The following TRPC3 variants were observed in gnomAD, a reference collection of about 807,000 sequenced individuals.
TRPC3 encodes the protein short transient receptor potential channel 3.
TRPC3 carries 54 observed loss-of-function variants against 90.9 expected under a neutral mutation model. The ratio of observed to expected loss-of-function variants is 0.59; its 90% CI spans 0.48 to 0.75. The LOEUF (loss-of-function observed/expected upper bound fraction) is 0.75. Ranked by LOEUF, TRPC3 falls within the 30% of genes least tolerant of loss-of-function variation. The probability of loss-of-function intolerance (pLI) is 0.00; values close to 1 mark genes in which losing one functional copy is unlikely to be tolerated. For missense variants in TRPC3, 918 were observed against 1,194.5 expected (o/e 0.77, Z 3.41); for synonymous variants, 424 against 450.9 (o/e 0.94, Z 0.75).
intron 7 of TRPC3, among the ~76,000 whole-genome samples, chr4:121,906,436 T>A (rs1728884385): frequency 6.6e-6 from 1 of 152,106 alleles, no homozygotes; most frequent in Admixed American, 6.6e-5. Flanking sequence ...TCAAACAGGT[T>A]TTTTTCTTCA....
chr4:121,875,169 G>C lies in TRPC3; in HGVS notation c.*4567C>G, dbSNP rs184811206. On this transcript the variant is annotated 3_prime_UTR_variant, in exon 12 of 12. Coordinates refer to ENST00000379645, the MANE Select transcript of TRPC3 (RefSeq NM_001130698.2). ...ACCAAAGACAGACAATGCTGGCAGT[G>C]CTTACTTTCCATTTAGCAAGTGATG... Among the ~76,000 whole-genome samples, 1 of 151,696 alleles carries C rather than the reference G, an allele frequency of 6.6e-6. No homozygotes were observed. The highest frequency in any genetic ancestry group is 2.4e-5 in the African/African-American group (1 of 41,360).
rs1162075321 is a variant in TRPC3 at position 121,932,449 on chromosome 4, C to T, written c.809G>A (p.Gly270Glu). Residue 270 changes from glycine (G) to glutamate (E), a missense_variant, in exon 2 of 12, where the codon GGG becomes GAG. This residue lies in a region of TRPC3 where 609 missense variants were observed against 725.9 expected (regional missense o/e 0.84). Transcript: ENST00000379645. The surrounding 1 kb of genome is among the most constrained non-coding windows in gnomAD (Gnocchi z 7.7). ...GTGCCTCTGCTTCTCCATGCAGTCC[C>T]CGCACTTGCAGAAATAGTCGTGCGG... ...ERPHDYFCKC[G>E]DCMEKQRHDS... 1.2e-6 allele frequency: 2 copies of T among 1,614,180 alleles called. No homozygotes were observed. Among genetic ancestry groups the T allele is most frequent in the Admixed American group, 1.7e-5 (1 of 60,026 alleles).
chr4:121,932,154 G>C lies in TRPC3; in HGVS notation c.987+117C>G, dbSNP rs1249276445. Reference sequence around the variant, plus strand: ...CTGAATGACGTTCTCAGTCCCTCGTGATTTCACATTCACTGGGCAAAACCG... The same window carrying C: ...CTGAATGACGTTCTCAGTCCCTCGTCATTTCACATTCACTGGGCAAAACCG... On this transcript the variant is annotated intron_variant, in intron 2 of 11. Coordinates refer to ENST00000379645, the MANE Select transcript of TRPC3 (RefSeq NM_001130698.2). The surrounding 1 kb of genome is among the most constrained non-coding windows in gnomAD (Gnocchi z 7.7). 8 of 1,474,654 alleles carry C rather than the reference G, an allele frequency of 5.4e-6. No individual in the cohort carries two copies. The highest frequency in any genetic ancestry group is 7.3e-6 in the Non-Finnish European group (8 of 1,098,878). 91.3% of individuals were successfully genotyped at this position (1,474,654 alleles called of 1,614,324 possible).
Position 121,907,506 on chromosome 4 carries a change from A to G in TRPC3, c.1854T>C (p.Ala618=). 6.2e-7 allele frequency: 1 copy of G among 1,613,328 alleles called. No individual in the cohort carries two copies. Among genetic ancestry groups the G allele is most frequent in the Non-Finnish European group, 8.5e-7 (1 of 1,179,510 alleles). ...QIISEGLYAI[A]VVLSFSRIAY... ...CAATCCGAGAGAAGCTGAGCACAAC[A>G]GCTATGGCATAAAGGCCTTCAGATA... Residue 618 remains alanine (A), a synonymous_variant, in exon 7 of 12, where the codon GCT becomes GCC. Transcript: ENST00000379645.
At chr4:121,946,109 A>T (rs1386112397) in intron 1 of TRPC3, among the ~76,000 whole-genome samples, 1 of 152,202 alleles carries the variant, frequency 6.6e-6, no homozygotes, top group East Asian at 1.9e-4. Flanking sequence ...TCCAACATCC[A>T]GACCATAGAA....
intron 3 of TRPC3, among the ~76,000 whole-genome samples, chr4:121,917,838 T>C (rs776379417): frequency 3.9e-5 from 6 of 152,188 alleles, no homozygotes; most frequent in Admixed American, 6.5e-5. Context: ...TGTCATTAAA[T>C]CAGATTACCA....
At chr4:121,911,842 G>T in intron 5 of TRPC3, 35 bp downstream of exon 5, 1 of 1,537,430 alleles carries the variant, frequency 6.5e-7, no homozygotes, top group South Asian at 1.2e-5. Flanking sequence ...ATTACCTTTT[G>T]GTAGAAATTA....
At chr4:121,898,410 C>T (rs1728590682) in intron 10 of TRPC3, among the ~76,000 whole-genome samples, 1 of 152,138 alleles carries the variant, frequency 6.6e-6, no homozygotes, top group East Asian at 1.9e-4. Flanking sequence ...TTATTGTGAA[C>T]CCTATTGTGA....
Position 121,932,126 on chromosome 4 carries a change from G to T in TRPC3, c.987+145C>A. ...GAGGGAGAAAGAAAACATTAGATGA[G>T]GTCTGAATGACGTTCTCAGTCCCTC... On this transcript the variant is annotated intron_variant, in intron 2 of 11. Coordinates refer to ENST00000379645, the MANE Select transcript of TRPC3 (RefSeq NM_001130698.2). This position sits in a 1 kb window ranked among gnomAD's most constrained non-coding sequence, Gnocchi z 7.7. 1 of 1,278,600 alleles carries T rather than the reference G, an allele frequency of 7.8e-7. No individual in the cohort carries two copies. The highest frequency in any genetic ancestry group is 1.1e-6 in the Non-Finnish European group (1 of 945,384). 79.2% of individuals were successfully genotyped at this position (1,278,600 alleles called of 1,614,324 possible).
At chr4:121,894,813 C>T (rs772751761) in intron 10 of TRPC3, among the ~76,000 whole-genome samples, 13 of 151,954 alleles carry the variant, frequency 8.6e-5, no homozygotes, top group Non-Finnish European at 1.8e-4. Context: ...ATCCTTCTGC[C>T]TTGGCCTTCC....
chr4:121,913,202 A>G (rs1729172154), intron 4 of TRPC3, among the ~76,000 whole-genome samples: 1 of 152,212 alleles, frequency 6.6e-6, no homozygotes, highest in African/African-American at 2.4e-5. Context: ...GTTGTTACAC[A>G]GCTGCAAAAA....
At chr4:121,933,185 G>A in intron 1 of TRPC3, 143 bp from the exon 2 acceptor site, 1 of 1,354,368 alleles carries the variant, frequency 7.4e-7, no homozygotes, top group East Asian at 2.7e-5. Context: ...CGATACCGTT[G>A]CTAACTACTC....
At chr4:121,936,147 T>C (rs150580152) in intron 1 of TRPC3, among the ~76,000 whole-genome samples, 9 of 152,328 alleles carry the variant, frequency 5.9e-5, no homozygotes, top group African/African-American at 2.2e-4. Context: ...AATTCACAAA[T>C]GGAAGTGTCT....
intron 1 of TRPC3, among the ~76,000 whole-genome samples, chr4:121,937,996 G>A (rs957240523): frequency 4.7e-5 from 7 of 150,478 alleles, no homozygotes; most frequent in Admixed American, 6.6e-5. Flanking sequence ...TCTGCCTCCC[G>A]GGCTCAAGTG....
chr4:121,938,014 T>G (rs1730187746), intron 1 of TRPC3, among the ~76,000 whole-genome samples: 1 of 149,044 alleles, frequency 6.7e-6, no homozygotes, highest in East Asian at 1.9e-4. Flanking sequence ...GTGTCTGAAT[T>G]TATTTAAAAA....
At chr4:121,922,165 A>G (rs542271651) in intron 3 of TRPC3, among the ~76,000 whole-genome samples, 203 of 151,528 alleles carry the variant, frequency 1.3e-3, no homozygotes, top group Non-Finnish European at 2.0e-3. Flanking sequence ...CTCGTGATCC[A>G]CCTGCCTCGG....
chr4:121,879,777 G>C lies in TRPC3; in HGVS notation c.2725C>G (p.Leu909Val), dbSNP rs369424795. Residue 909 changes from leucine to valine, a missense_variant, in exon 12 of 12, where the codon CTT becomes GTT. By Grantham distance (32) the Leu-to-Val change is conservative. Transcript: ENST00000379645. ...ATGCTGGGATTCAGTTTCTCACTAA[G>C]TTTATGAATTAGAATGGCTAATTCC... ...TEELAILIHK[L>V]SEKLNPSMLR... is the part of the protein sequence containing the mutation. 2.5e-6 allele frequency: 4 copies of C among 1,608,766 alleles called. No individual in the cohort carries two copies. The African/African-American group carries it at 4.0e-5, about 16-fold the overall frequency.
At chr4:121,891,474 T>G (rs1299251292) in intron 10 of TRPC3, among the ~76,000 whole-genome samples, 1 of 152,114 alleles carries the variant, frequency 6.6e-6, no homozygotes, top group Non-Finnish European at 1.5e-5. Context: ...CCTGACAAGG[T>G]AGTGAAGTGG....
intron 6 of TRPC3, among the ~76,000 whole-genome samples, chr4:121,909,364 T>C (rs894208583): frequency 6.6e-6 from 1 of 152,154 alleles, no homozygotes; most frequent in Non-Finnish European, 1.5e-5. Context: ...ACTCTGTGCC[T>C]GAGTTCCCTT....
Sources: gnomAD v4.1 joint callset for allele counts (sites outside exome capture counted in the v4.1 genomes callset) on GRCh38, gnomAD v4.1.1 for gene constraint, gnomAD v4.1.1 regional missense constraint, Gnocchi (gnomAD v3.1) non-coding constraint, MANE v1.5 for transcripts, NCBI Gene and HGNC (gene_info 2026-07-23, HGNC 2026-07-21) for gene names.